DOCK4: variants seen among roughly 807,000 people sequenced by gnomAD.
The protein encoded by DOCK4 is dedicator of cytokinesis protein 4.
DOCK4 carries 97 observed loss-of-function variants against 268.1 expected under a neutral mutation model. The ratio of observed to expected loss-of-function variants is 0.36; its 90% CI spans 0.31 to 0.43. The LOEUF is 0.43. Among genes scored for constraint, DOCK4 ranks in the 20% least tolerant of loss-of-function variants. The pLI, the probability that DOCK4 is intolerant of heterozygous loss-of-function variation, is 1.00. For missense variants in DOCK4, 2,145 were observed against 2,455.7 expected (o/e 0.87, Z 2.67); for synonymous variants, 954 against 887.2 (o/e 1.08, Z -1.34).
chr7:112,192,014 A>G lies in DOCK4; in HGVS notation c.37+14088T>C, dbSNP rs1253673473. ...AAATATTATATATTATATAGTATAT[A>G]ACTTAAACATAGTATAATTTAAATA... On this transcript the variant is annotated intron_variant, in intron 1 of 52. Coordinates refer to ENST00000428084, the MANE Select transcript of DOCK4 (RefSeq NM_001363540.2). Among the ~76,000 whole-genome samples the G allele has an allele frequency of 1.1e-4, 16 of 148,352 alleles. 1 individual carries two copies. The South Asian group carries it at 3.1e-3, about 29-fold the overall frequency.
intron 52 of DOCK4, 55 bp from the exon 53 acceptor site, chr7:111,728,775 G>C (rs1260403163): frequency 3.3e-6 from 5 of 1,505,386 alleles, no homozygotes; most frequent in Admixed American, 2.1e-5. Context: ...CGTGAACGCA[G>C]ATGCGCTGAA....
chr7:111,767,186 G>T, intron 37 of DOCK4, 68 bp from the exon 38 acceptor site: 10 of 1,192,050 alleles, frequency 8.4e-6, no homozygotes, highest in South Asian at 1.2e-5. Flanking sequence ...CCAAAAGTCA[G>T]AACATGAGTG....
At chr7:112,100,738 C>T (rs1810605033) in intron 1 of DOCK4, among the ~76,000 whole-genome samples, 1 of 152,200 alleles carries the variant, frequency 6.6e-6, no homozygotes, top group Admixed American at 6.5e-5. Flanking sequence ...TCCCATATTC[C>T]TCAGGCCTGG....
chr7:112,046,971 A>G (rs950578275), intron 1 of DOCK4, among the ~76,000 whole-genome samples: 3 of 152,350 alleles, frequency 2.0e-5, no homozygotes, highest in Middle Eastern at 3.4e-3. Context: ...CAAAGGTTCT[A>G]CTTTAAGTAT....
chr7:111,763,686 C>CCTG lies in DOCK4; in HGVS notation c.4020+1429_4020+1431dup, dbSNP rs572416763. Among the ~76,000 whole-genome samples, 610 of 152,130 alleles carry CCTG rather than the reference C, an allele frequency of 4.0e-3. 3 individuals carry two copies. Among genetic ancestry groups the CCTG allele is most frequent in the Non-Finnish European group, 7.3e-3 (495 of 68,006 alleles). On this transcript the variant is annotated intron_variant, in intron 39 of 52. Transcript: ENST00000428084. The stretch of plus-strand genomic sequence containing the variant: ...TACTGTGGCAGGGTCGTGTCTAGAC[C>CCTG]CTGCTGCGCAATCCCCAGCCATCTG...
chr7:112,177,885 A>G (rs934026433), intron 1 of DOCK4, among the ~76,000 whole-genome samples: 1 of 152,242 alleles, frequency 6.6e-6, no homozygotes, highest in Non-Finnish European at 1.5e-5. Context: ...TTTATGCTCT[A>G]TGGACACCAT....
chr7:112,096,016 G>A (rs557798253), intron 1 of DOCK4, among the ~76,000 whole-genome samples: 2 of 152,286 alleles, frequency 1.3e-5, no homozygotes, highest in African/African-American at 4.8e-5. Context: ...TTGAACCCGG[G>A]AAGCAGAGGC....
chr7:112,128,475 A>AG (rs879391726), intron 1 of DOCK4, among the ~76,000 whole-genome samples: 2 of 152,220 alleles, frequency 1.3e-5, no homozygotes, highest in Non-Finnish European at 2.9e-5. Context: ...TGGAATAGAA[A>AG]GGGGGGAAAG....
At chr7:112,145,837 G>A (rs1563129709) in intron 1 of DOCK4, among the ~76,000 whole-genome samples, 1 of 152,022 alleles carries the variant, frequency 6.6e-6, no homozygotes, top group Non-Finnish European at 1.5e-5. Flanking sequence ...AAAAAAATGG[G>A]GCACTGGGTG....
intron 42 of DOCK4, 134 bp from the exon 43 acceptor site, chr7:111,747,577 G>A (rs1475004985): frequency 7.2e-6 from 6 of 837,098 alleles, no homozygotes; most frequent in African/African-American, 3.4e-5. Flanking sequence ...GGGCCATTCC[G>A]TAGAATAGAC....
chr7:112,101,892 G>A (rs940593338), intron 1 of DOCK4, among the ~76,000 whole-genome samples: 2 of 150,854 alleles, frequency 1.3e-5, no homozygotes, highest in African/African-American at 4.9e-5. Flanking sequence ...GCCCAGGCTG[G>A]AGTGCAGTGG....
At chr7:112,186,691 G>C (rs1312323541) in intron 1 of DOCK4, among the ~76,000 whole-genome samples, 1 of 152,088 alleles carries the variant, frequency 6.6e-6, no homozygotes, top group Admixed American at 6.6e-5. Flanking sequence ...GGAAATTAAA[G>C]AATCTTCTCA....
intron 42 of DOCK4, among the ~76,000 whole-genome samples, chr7:111,753,049 A>C (rs997534737): frequency 1.4e-5 from 2 of 143,148 alleles, no homozygotes; most frequent in African/African-American, 2.6e-5. Context: ...CCCCAATTTC[A>C]TCTGAAACCT....
Position 111,900,404 on chromosome 7 carries a change from G to A in DOCK4, c.1450C>T (p.His484Tyr). The A allele has an allele frequency of 1.2e-6, 2 of 1,613,462 alleles. No individual in the cohort carries two copies. The highest frequency in any genetic ancestry group is 2.2e-5 in the East Asian group (1 of 44,866). Residue 484 changes from histidine to tyrosine, a missense_variant, in exon 15 of 53, where the codon CAC becomes TAC. This residue lies in a region of DOCK4 where 1,598 missense variants were observed against 1,986.7 expected (regional missense o/e 0.80). Coordinates refer to ENST00000428084, the MANE Select transcript of DOCK4 (RefSeq NM_001363540.2). Reference sequence around the variant, plus strand: ...CAATGCCGAAACTCGAAGCGGATGTGTGCACCCCGGAATTTATCCACAGGA... The same window carrying A: ...CAATGCCGAAACTCGAAGCGGATGTATGCACCCCGGAATTTATCCACAGGA... ...PIPVDKFRGA[H>Y]IRFEFRHCST...
intron 1 of DOCK4, among the ~76,000 whole-genome samples, chr7:112,053,090 T>A (rs1422856514): frequency 6.6e-6 from 1 of 152,214 alleles, no homozygotes; most frequent in African/African-American, 2.4e-5. Flanking sequence ...GATTCTGTTC[T>A]CTTAACCATT....
chr7:111,826,860 T>A (rs552549768), intron 26 of DOCK4, among the ~76,000 whole-genome samples: 1 of 152,248 alleles, frequency 6.6e-6, no homozygotes, highest in African/African-American at 2.4e-5. Flanking sequence ...AACCTGCACA[T>A]GTACCACCTG....
In DOCK4 at chr7:111,782,085, T is replaced by C. The variant is rs576851632; in HGVS notation, c.3585+779A>G. 2.6e-5 allele frequency among the ~76,000 whole-genome samples: 4 copies of C among 152,354 alleles called. No homozygotes were observed. In the South Asian group the frequency reaches 6.2e-4, roughly 24 times the overall value. ...ATATTTTCCTGTACTTCAGATCTGA[T>C]TGAAGGAACTTATCCAAAACATTAA... is the stretch of plus-strand genomic sequence containing the variant. On this transcript the variant is annotated intron_variant, in intron 35 of 52. Coordinates refer to ENST00000428084, the MANE Select transcript of DOCK4 (RefSeq NM_001363540.2).
chr7:112,044,188 A>G (rs1271404310), intron 1 of DOCK4, among the ~76,000 whole-genome samples: 2 of 152,198 alleles, frequency 1.3e-5, no homozygotes, highest in Non-Finnish European at 2.9e-5. Flanking sequence ...TTTGTTCCAG[A>G]GTCTGTGCTC....
At chr7:111,981,414 T>C (rs901299797) in intron 7 of DOCK4, among the ~76,000 whole-genome samples, 51 of 152,312 alleles carry the variant, frequency 3.3e-4, no homozygotes, top group African/African-American at 1.2e-3. Context: ...TTATGGAAGC[T>C]GGGCTTAATA....
Sources: allele counts gnomAD v4.1 joint callset (sites outside exome capture counted in the v4.1 genomes callset), GRCh38; gene constraint gnomAD v4.1.1; regional missense constraint gnomAD v4.1.1; transcripts MANE v1.5; gene names NCBI Gene and HGNC (gene_info 2026-07-23, HGNC 2026-07-21).